The following AGMO variants were observed in gnomAD, a reference collection of about 807,000 sequenced individuals.
AGMO encodes the protein alkylglycerol monooxygenase.
AGMO carries 75 observed loss-of-function variants against 60.2 expected under a neutral mutation model. The ratio of observed to expected loss-of-function variants is 1.25; its 90% CI spans 1.03 to 1.51. The LOEUF (loss-of-function observed/expected upper bound fraction) is 1.51, where lower values mean the gene tolerates loss of function less well. Among genes scored for constraint, AGMO ranks in the 40% most tolerant of loss-of-function variants. AGMO has a pLI of 0.00. For synonymous variants in AGMO, 261 were observed against 177.1 expected (o/e 1.47, Z -3.76); for missense variants, 763 against 525.5 (o/e 1.45, Z -4.42).
In AGMO at chr7:15,431,009, G is replaced by A. The variant is rs751313590; in HGVS notation, c.509C>T (p.Ser170Phe). The change falls in exon 4 of 13, where the codon TCC (serine) becomes TTC (phenylalanine). Residue 170 changes from serine (S) to phenylalanine (F), a missense_variant. By Grantham distance (155) the Ser-to-Phe change is radical. Coordinates refer to ENST00000342526, the MANE Select transcript of AGMO (RefSeq NM_001004320.2). ...ATTCCATTTCATACAACTTACCCAGGAAGTATATATCTGGAGGACAGACTG... is the reference window on the plus strand; with the variant it reads ...ATTCCATTTCATACAACTTACCCAGAAAGTATATATCTGGAGGACAGACTG... The part of the protein sequence containing the change: ...LRQSVLQIYT[S>F]WIFYSPLALF... The A allele has an allele frequency of 1.1e-5, 17 of 1,574,692 alleles. No individual in the cohort carries two copies. The highest frequency in any genetic ancestry group is 4.5e-5 in the East Asian group (2 of 43,992).
rs137980424 is a variant in AGMO, at chr7:15,385,557, G to A, written c.963C>T (p.Thr321=). The change falls in exon 10 of 13, where the codon ACC becomes ACT. Residue 321 remains threonine, a synonymous_variant. Coordinates refer to ENST00000342526, the MANE Select transcript of AGMO (RefSeq NM_001004320.2). Reference sequence around the variant, plus strand: ...ATGATGAGAAGGGAACTTCTTTGCCGGTGACCTAGGGAGACAAGAACCATT... The same window carrying A: ...ATGATGAGAAGGGAACTTCTTTGCCAGTGACCTAGGGAGACAAGAACCATT... The part of the protein sequence containing the change: ...LGLSEEIPEV[T]GKEVPFSSSS... 8.1e-5 allele frequency: 128 copies of A among 1,582,118 alleles called. 1 individual carries two copies. The African/African-American group carries it at 1.1e-3, about 13-fold the overall frequency.
At chr7:15,184,810 G>T in the AGMO span, among the ~76,000 whole-genome samples, 1 of 131,576 alleles carries the variant, frequency 7.6e-6, no homozygotes, top group Non-Finnish European at 1.6e-5. Flanking sequence ...GAGAGGGAGG[G>T]AGGAAGGGAA....
chr7:15,274,129 G>A (rs988061714), intron 12 of AGMO, among the ~76,000 whole-genome samples: 15 of 152,098 alleles, frequency 9.9e-5, no homozygotes, highest in African/African-American at 3.6e-4. Flanking sequence ...TCTCCTGCCT[G>A]ATTGCCCTGG....
intron 12 of AGMO, among the ~76,000 whole-genome samples, chr7:15,334,667 C>T (rs1781597260): frequency 6.6e-6 from 1 of 152,140 alleles, no homozygotes; most frequent in Non-Finnish European, 1.5e-5. Flanking sequence ...TTGCGGATAT[C>T]CCGCCAACAA....
chr7:15,561,619 C>T (rs1392518081), intron 1 of AGMO, 101 bp downstream of exon 1: 4 of 1,119,704 alleles, frequency 3.6e-6, no homozygotes, highest in Non-Finnish European at 4.8e-6. Context: ...AGAATGTAAT[C>T]ATTTGAATAA....
chr7:15,523,718 G>C (rs1784057588), intron 3 of AGMO, among the ~76,000 whole-genome samples: 1 of 152,158 alleles, frequency 6.6e-6, no homozygotes, highest in African/African-American at 2.4e-5. Context: ...ATAGCATTAG[G>C]AGAAATACCT....
intron 12 of AGMO, among the ~76,000 whole-genome samples, chr7:15,308,277 A>G (rs889387228): frequency 1.4e-4 from 22 of 152,070 alleles, no homozygotes; most frequent in Admixed American, 1.3e-3. Flanking sequence ...GAATATAAAT[A>G]ATTTGTTATA....
intron 3 of AGMO, among the ~76,000 whole-genome samples, chr7:15,518,623 T>C (rs895880310): frequency 6.6e-6 from 1 of 152,036 alleles, no homozygotes; most frequent in Non-Finnish European, 1.5e-5. Context: ...AGCAGTAGCA[T>C]TGACATCAAC....
At chr7:15,269,703 G>A (rs753061539) in intron 12 of AGMO, among the ~76,000 whole-genome samples, 3 of 151,948 alleles carry the variant, frequency 2.0e-5, no homozygotes, top group Non-Finnish European at 4.4e-5. Flanking sequence ...TAGTGTATCC[G>A]TCAGCCAAGT....
At chr7:15,420,755 AAACTCAGAGT>A (rs1780901061) in intron 4 of AGMO, among the ~76,000 whole-genome samples, 1 of 152,054 alleles carries the variant, frequency 6.6e-6, no homozygotes, top group Non-Finnish European at 1.5e-5. Context: ...CTCCATCCTC[AAACTCAGAGT>A]AACTTGGTAG....
chr7:15,494,859 T>C (rs1027636669), intron 3 of AGMO, among the ~76,000 whole-genome samples: 1 of 152,234 alleles, frequency 6.6e-6, no homozygotes, highest in Non-Finnish European at 1.5e-5. Context: ...CGCAAGCCTG[T>C]TGCAAAATTC....
intron 3 of AGMO, among the ~76,000 whole-genome samples, chr7:15,489,711 T>C (rs2128520414): frequency 6.6e-6 from 1 of 152,316 alleles, no homozygotes; most frequent in East Asian, 1.9e-4. Context: ...CGTTCATCAA[T>C]TCTACCAGGC....
intron 12 of AGMO, chr7:15,358,345 G>T (rs1296893294): frequency 6.6e-6 from 3 of 456,534 alleles, no homozygotes; most frequent in South Asian, 1.6e-5. Context: ...TTGGGTTAAT[G>T]CTTTTTCAAA....
chr7:15,143,116 C>A, the AGMO span, among the ~76,000 whole-genome samples: 1 of 152,220 alleles, frequency 6.6e-6, no homozygotes, highest in African/African-American at 2.4e-5. Flanking sequence ...TAGTAGCCTG[C>A]CTAAATTGCC....
chr7:15,472,615 C>A (rs764425704), intron 3 of AGMO, among the ~76,000 whole-genome samples: 2 of 151,816 alleles, frequency 1.3e-5, no homozygotes, highest in Admixed American at 1.3e-4. Context: ...AAGAATTAAA[C>A]GTCACAGTTA....
chr7:15,125,707 AAAG>A, the AGMO span, among the ~76,000 whole-genome samples: 1 of 152,108 alleles, frequency 6.6e-6, no homozygotes, highest in Non-Finnish European at 1.5e-5. Context: ...AAGAATCAAG[AAAG>A]AAGATTCAAC....
chr7:15,432,634 A>C lies in AGMO; in HGVS notation c.410-1526T>G, dbSNP rs143697336. 2.0e-5 allele frequency among the ~76,000 whole-genome samples: 3 copies of C among 151,756 alleles called. No individual in the cohort carries two copies. The East Asian group carries it at 5.8e-4, about 29-fold the overall frequency. On this transcript the variant is annotated intron_variant, in intron 3 of 12. Transcript: ENST00000342526. The stretch of plus-strand genomic sequence containing the variant: ...ATTTTTCAATGGAACACGTATTGTC[A>C]TCAACCACAGCAGATATGTAACTTA...
chr7:15,421,924 G>A (rs767812972), intron 4 of AGMO, among the ~76,000 whole-genome samples: 44 of 152,204 alleles, frequency 2.9e-4, no homozygotes, highest in Non-Finnish European at 5.1e-4. Context: ...TGCAGTAAAT[G>A]AGGCTGAAAC....
chr7:15,483,367 C>T (rs1352461724), intron 3 of AGMO, among the ~76,000 whole-genome samples: 1 of 151,990 alleles, frequency 6.6e-6, no homozygotes, highest in Non-Finnish European at 1.5e-5. Context: ...GAGATTGAGA[C>T]CATCCTGGCT....
Sources: gnomAD v4.1 joint callset for allele counts (sites outside exome capture counted in the v4.1 genomes callset) on GRCh38, gnomAD v4.1.1 for gene constraint, MANE v1.5 for transcripts, NCBI Gene and HGNC (gene_info 2026-07-23, HGNC 2026-07-21) for gene names.